Variants in ZDBF2 observed in about 807,000 individuals in gnomAD.
ZDBF2 encodes zinc finger DBF-type containing 2.
In ZDBF2, 6 loss-of-function variants were observed where a neutral mutation model predicts 9.4. That is an observed-to-expected ratio of 0.64 (90% CI 0.35 to 1.27). ZDBF2 has a LOEUF of 1.27. Among genes scored for constraint, ZDBF2 ranks in the 50% most tolerant of loss-of-function variants. ZDBF2 has a pLI of 0.03. For synonymous variants in ZDBF2, 905 were observed against 946.3 expected, an observed-to-expected ratio of 0.96 and a Z score of 0.80; for missense variants, 2,697 against 2,766.8, an observed-to-expected ratio of 0.97 and a Z score of 0.57.
chr2:206,290,351 A>G (rs1015362816), intron 3 of ZDBF2, among the ~76,000 whole-genome samples: 12 of 152,274 alleles, frequency 7.9e-5, no homozygotes, highest in East Asian at 3.9e-4. Context: ...TTGTATTTCC[A>G]TGTGAATTTA....
chr2:206,280,759 A>T (rs988617125), intron 2 of ZDBF2, among the ~76,000 whole-genome samples: 1 of 152,052 alleles, frequency 6.6e-6, no homozygotes. Context: ...CCCTCATCTT[A>T]TGGTTTTAAG....
Position 206,305,577 on chromosome 2 carries a change from A to C in ZDBF2, c.1049A>C (p.Lys350Thr). ...GAAGAAAAGCATTTGGTTTTTAACAAGACAGCCTTTTGGGAACAGAAGTGC... is the reference window on the plus strand; with the variant it reads ...GAAGAAAAGCATTTGGTTTTTAACACGACAGCCTTTTGGGAACAGAAGTGC... ...TQEEKHLVFN[K>T]TAFWEQKCSV... Residue 350 changes from lysine (K) to threonine (T), a missense_variant, in exon 5 of 5, where the codon AAG becomes ACG. Coordinates refer to ENST00000374423, the MANE Select transcript of ZDBF2 (RefSeq NM_020923.3). 3.7e-6 allele frequency: 6 copies of C among 1,613,854 alleles called. No individual in the cohort carries two copies. Among genetic ancestry groups the C allele is most frequent in the Non-Finnish European group, 4.2e-6 (5 of 1,179,812 alleles).
chr2:206,279,908 G>A (rs552908798), intron 2 of ZDBF2, among the ~76,000 whole-genome samples: 2 of 152,246 alleles, frequency 1.3e-5, no homozygotes, highest in South Asian at 4.1e-4. Context: ...GGGTTCAAAC[G>A]ATTCTATTGC....
In ZDBF2 at chr2:206,309,747, G is replaced by A. The variant is rs547325595; in HGVS notation, c.5219G>A (p.Ser1740Asn). 21 of 1,613,980 alleles carry A rather than the reference G, an allele frequency of 1.3e-5. No individual in the cohort carries two copies. Among genetic ancestry groups the A allele is most frequent in the South Asian group, 4.4e-5 (4 of 91,076 alleles). The change falls in exon 5 of 5, where the codon AGC (serine) becomes AAC (asparagine). Residue 1740 changes from serine (S) to asparagine (N), a missense_variant. Physicochemically the swap from Ser to Asn is conservative, Grantham distance 46 (BLOSUM62 1). Around this residue, in one of 3 missense-constraint regions of ZDBF2, gnomAD observed 1,783 missense variants for 1,776.5 expected, o/e 1.00. Transcript: ENST00000374423. ...SKLKHRDLEV[S>N]CEPDGFEMNF... Reference sequence around the variant, plus strand: ...CTAAAACATAGAGATCTAGAAGTGAGCTGTGAACCGGATGGTTTTGAGATG... The same window carrying A: ...CTAAAACATAGAGATCTAGAAGTGAACTGTGAACCGGATGGTTTTGAGATG...
intron 3 of ZDBF2, among the ~76,000 whole-genome samples, chr2:206,287,708 A>C (rs1691673203): frequency 6.6e-6 from 1 of 152,116 alleles, no homozygotes; most frequent in Admixed American, 6.6e-5. Flanking sequence ...TTGTTCACTC[A>C]GTGGTGTCCC....
Position 206,309,698 on chromosome 2 carries a change from G to T in ZDBF2, c.5170G>T (p.Ala1724Ser), listed in dbSNP as rs1397814888. 2 of 1,613,730 alleles carry T rather than the reference G, an allele frequency of 1.2e-6. No individual in the cohort carries two copies. Among genetic ancestry groups the T allele is most frequent in the Admixed American group, 1.7e-5 (1 of 60,010 alleles). ...TTCCAAGTCAGCGCTCCATCGAAGG[G>T]CTGATAAAAAAAAACGTTCGAAGCT... ...ASSKSALHRR[A>S]DKKKRSKLKH... The change falls in exon 5 of 5, where the codon GCT becomes TCT. Residue 1724 changes from alanine (A) to serine (S), a missense_variant. Around this residue, in one of 3 missense-constraint regions of ZDBF2, gnomAD observed 1,783 missense variants for 1,776.5 expected, o/e 1.00. Transcript: ENST00000374423.
Position 206,311,526 on chromosome 2 carries a change from G to A in ZDBF2, c.6998G>A (p.Cys2333Tyr). The A allele has an allele frequency of 6.4e-7, 1 of 1,564,762 alleles. No homozygotes were observed. The highest frequency in any genetic ancestry group is 8.6e-7 in the Non-Finnish European group (1 of 1,159,982). Residue 2333 changes from cysteine (C) to tyrosine (Y), a missense_variant, in exon 5 of 5, where the codon TGT becomes TAT. Around this residue, in one of 3 missense-constraint regions of ZDBF2, gnomAD observed 1,783 missense variants for 1,776.5 expected, o/e 1.00. Transcript: ENST00000374423. ...GCATATGATCTGAGAAGCTCATCTT[G>A]TTTACAACAACGTGAGAGAATGATG... The part of the protein sequence containing the change: ...VRAYDLRSSS[C>Y]LQQRERMMTR...
At chr2:206,288,871 G>A (rs988704109) in intron 3 of ZDBF2, among the ~76,000 whole-genome samples, 4 of 152,124 alleles carry the variant, frequency 2.6e-5, no homozygotes, top group Non-Finnish European at 5.9e-5. Flanking sequence ...TTAGGTCTCA[G>A]GGGATGAGGC....
Position 206,305,712 on chromosome 2 carries a change from A to G in ZDBF2, c.1184A>G (p.Gln395Arg). The G allele has an allele frequency of 6.2e-7, 1 of 1,613,780 alleles. No individual in the cohort carries two copies. Among genetic ancestry groups the G allele is most frequent in the Non-Finnish European group, 8.5e-7 (1 of 1,179,804 alleles). The change falls in exon 5 of 5, where the codon CAA (glutamine) becomes CGA (arginine). Residue 395 changes from glutamine (Q) to arginine (R), a missense_variant. This residue lies in a region of ZDBF2 where 910 missense variants were observed against 973.6 expected (regional missense o/e 0.93). Coordinates refer to ENST00000374423, the MANE Select transcript of ZDBF2 (RefSeq NM_020923.3). ...LSLWKEEQID[Q>R]EDNYESRGSE... ...CTTTGGAAGGAGGAGCAAATTGACC[A>G]AGAAGATAACTATGAGTCTAGAGGT...
Position 206,308,066 on chromosome 2 carries a change from T to G in ZDBF2, c.3538T>G (p.Leu1180Val), listed in dbSNP as rs1692918021. 6.2e-7 allele frequency: 1 copy of G among 1,613,834 alleles called. No individual in the cohort carries two copies. Residue 1180 changes from leucine to valine, a missense_variant, in exon 5 of 5, where the codon TTG (leucine) becomes GTG (valine). Physicochemically the swap from Leu to Val is conservative, Grantham distance 32. This residue lies in a region of ZDBF2 where 1,783 missense variants were observed against 1,776.5 expected (regional missense o/e 1.00). Transcript: ENST00000374423. ...AGTCAATCGACCTCAAATAACTATT[T>G]TGGAGCAGGAGCACATTGAACTAGA... ...SIVNRPQITI[L>V]EQEHIELEGK...
chr2:206,284,739 G>A (rs970328575), intron 3 of ZDBF2, among the ~76,000 whole-genome samples: 9 of 152,064 alleles, frequency 5.9e-5, no homozygotes, highest in African/African-American at 1.7e-4. Context: ...TCCTTTTTGT[G>A]TGTGTGTGAG....
Position 206,306,636 on chromosome 2 carries a change from G to C in ZDBF2, c.2108G>C (p.Arg703Pro), listed in dbSNP as rs760671336. ...GAGAATAAGAGTGTTCAGTCTAGCC[G>C]TTCTTCTCTGAGTTCTGATTCTCCG... is the stretch of plus-strand genomic sequence containing the variant. ...DLENKSVQSS[R>P]SSLSSDSPAS... The change falls in exon 5 of 5, where the codon CGT becomes CCT. Residue 703 changes from arginine to proline, a missense_variant. Around this residue, in one of 3 missense-constraint regions of ZDBF2, gnomAD observed 910 missense variants for 973.6 expected, o/e 0.93. Transcript: ENST00000374423. 51 of 1,613,544 alleles carry C rather than the reference G, an allele frequency of 3.2e-5. No individual in the cohort carries two copies. Among genetic ancestry groups the C allele is most frequent in the African/African-American group, 4.0e-5 (3 of 74,882 alleles).
At position 206,308,902 on chromosome 2, in the gene ZDBF2, TTG is replaced by T; in HGVS notation, c.4378_4379del (p.Val1460SerfsTer7). On this transcript the variant is annotated frameshift_variant, in exon 5 of 5. Transcript: ENST00000374423. LOFTEE classifies it low-confidence loss of function (END_TRUNC). ...GTGGTTCTGAAATAAAATGTCATTC[TTG>T]TGTTCATCTTCAGTCAGAAGTTGAC... ...VCGSEIKCHS[C>X]VHLQSEVDQP... 1 of 1,612,838 alleles carries T rather than the reference TTG, an allele frequency of 6.2e-7. No homozygotes were observed.
chr2:206,306,053 C>T lies in ZDBF2; in HGVS notation c.1525C>T (p.Pro509Ser). ...TTCACCTCAGTCCACTAGTGACTAC[C>T]CCCAACAATCTGTAACAGAAGTAAA... The part of the protein sequence containing the change: ...DASPQSTSDY[P>S]QQSVTEVNLP... The change falls in exon 5 of 5, where the codon CCC (proline) becomes TCC (serine). Residue 509 changes from proline (P) to serine (S), a missense_variant. Transcript: ENST00000374423. 1.2e-6 allele frequency: 2 copies of T among 1,613,670 alleles called. No individual in the cohort carries two copies. Among genetic ancestry groups the T allele is most frequent in the African/African-American group, 1.3e-5 (1 of 75,000 alleles).
intron 4 of ZDBF2, among the ~76,000 whole-genome samples, chr2:206,302,818 A>G (rs1031675517): frequency 8.5e-5 from 13 of 152,182 alleles, no homozygotes; most frequent in African/African-American, 2.9e-4. Flanking sequence ...GAAATTGCAT[A>G]TGGCTGACAC....
Position 206,304,737 on chromosome 2 carries a change from A to C in ZDBF2, c.209A>C (p.His70Pro). Residue 70 changes from histidine to proline, a missense_variant, in exon 5 of 5, where the codon CAT becomes CCT. His to Pro is a moderately conservative substitution (Grantham distance 77, BLOSUM62 -2). Around this residue, in one of 3 missense-constraint regions of ZDBF2, gnomAD observed 910 missense variants for 973.6 expected, o/e 0.93. Transcript: ENST00000374423. ...TTTAGTTCAACACAAGATGAGACAC[A>C]TGTGAATACTGGGTCATCGTCTGAA... ...QESSSTQDET[H>P]VNTGSSSEVV... 6.2e-7 allele frequency: 1 copy of C among 1,611,474 alleles called. No homozygotes were observed. The highest frequency in any genetic ancestry group is 2.2e-5 in the East Asian group (1 of 44,874).
chr2:206,277,821 G>C (rs1479198405), intron 1 of ZDBF2, among the ~76,000 whole-genome samples: 2 of 151,434 alleles, frequency 1.3e-5, no homozygotes, highest in African/African-American at 4.9e-5. Context: ...ACATTTAGAA[G>C]TTTTAAGTTA....
Position 206,307,462 on chromosome 2 carries a change from A to G in ZDBF2, c.2934A>G (p.Thr978=). The G allele has an allele frequency of 6.2e-7, 1 of 1,612,422 alleles. No individual in the cohort carries two copies. The highest frequency in any genetic ancestry group is 8.5e-7 in the Non-Finnish European group (1 of 1,179,400). Reference sequence around the variant, plus strand: ...AACCTGAAGTAATTGTCAAAGAAACATGGCTTCAAAGAGAAAAGCACGCTG... The same window carrying G: ...AACCTGAAGTAATTGTCAAAGAAACGTGGCTTCAAAGAGAAAAGCACGCTG... ...THKPEVIVKE[T]WLQREKHAEF... is the part of the protein sequence containing the mutation. The change falls in exon 5 of 5, where the codon ACA becomes ACG. Residue 978 remains threonine (T), a synonymous_variant. Transcript: ENST00000374423.
chr2:206,293,478 T>C (rs1482863941), intron 3 of ZDBF2, among the ~76,000 whole-genome samples: 1 of 151,950 alleles, frequency 6.6e-6, no homozygotes, highest in Non-Finnish European at 1.5e-5. Flanking sequence ...TGGAAGATGA[T>C]TAAGAAAGTG....
Sources: allele counts gnomAD v4.1 joint callset (sites outside exome capture counted in the v4.1 genomes callset), GRCh38; gene constraint gnomAD v4.1.1; regional missense constraint gnomAD v4.1.1; transcripts MANE v1.5; gene names NCBI Gene and HGNC (gene_info 2026-07-23, HGNC 2026-07-21).